The following RBFOX1 variants were observed in gnomAD, a reference collection of about 807,000 sequenced individuals.
The protein encoded by RBFOX1 is RNA binding protein fox-1 homolog 1.
A neutral mutation model predicts 57.7 loss-of-function variants in RBFOX1; 8 were observed. The ratio of observed to expected loss-of-function variants is 0.14; its 90% CI spans 0.08 to 0.25. The LOEUF (loss-of-function observed/expected upper bound fraction) is 0.25. Ranked by LOEUF, RBFOX1 falls within the 10% of genes least tolerant of loss-of-function variation. RBFOX1 has a pLI of 1.00. For missense variants in RBFOX1, 611 were observed against 548.5 expected, an observed-to-expected ratio of 1.11 and a Z score of -1.14; for synonymous variants, 326 against 222.4, an observed-to-expected ratio of 1.47 and a Z score of -4.15.
At chr16:6,491,071 A>C (rs1243130242) in intron 2 of RBFOX1, among the ~76,000 whole-genome samples, 1 of 152,186 alleles carries the variant, frequency 6.6e-6, no homozygotes, top group Non-Finnish European at 1.5e-5. Flanking sequence ...ACTATCTATT[A>C]GTATGCAGTA....
At chr16:5,436,856 G>A (rs1376033335) in intron 1 of RBFOX1, among the ~76,000 whole-genome samples, 1 of 151,972 alleles carries the variant, frequency 6.6e-6, no homozygotes, top group Non-Finnish European at 1.5e-5. Context: ...AAAAAGTTCT[G>A]TCAGATAACT....
intron 13 of RBFOX1, among the ~76,000 whole-genome samples, chr16:7,668,183 TGTTCTTC>T (rs2145884405): frequency 6.6e-6 from 1 of 152,266 alleles, no homozygotes; most frequent in East Asian, 1.9e-4. Flanking sequence ...CCCCGTCCTT[TGTTCTTC>T]AAGGTCTTTC....
At chr16:7,279,951 A>G (rs755102006) in intron 4 of RBFOX1, among the ~76,000 whole-genome samples, 6 of 152,192 alleles carry the variant, frequency 3.9e-5, no homozygotes, top group Non-Finnish European at 8.8e-5. Flanking sequence ...CCTGGTAACA[A>G]TAGGGCAGCC....
intron 1 of RBFOX1, among the ~76,000 whole-genome samples, chr16:6,152,749 C>G (rs570866683): frequency 2.0e-4 from 30 of 152,276 alleles, no homozygotes; most frequent in African/African-American, 4.6e-4. Context: ...TAACTCAAGC[C>G]ATGGTTTCTC....
chr16:7,162,085 G>A (rs991845764), intron 4 of RBFOX1, among the ~76,000 whole-genome samples: 2 of 152,212 alleles, frequency 1.3e-5, no homozygotes, highest in African/African-American at 2.4e-5. Context: ...CTCCTCACAA[G>A]GGAGTTGGTG....
rs980199182 is a variant in RBFOX1, at chr16:5,925,673, A to G, written c.351+58338A>G. On this transcript the variant is annotated intron_variant, in intron 4 of 19. Coordinates refer to the RBFOX1 transcript ENST00000641259. The stretch of plus-strand genomic sequence containing the variant: ...TATGTGTATTTTACCACAAATATAC[A>G]TATTATATATATATTATGTTATACT... 6.7e-5 allele frequency among the ~76,000 whole-genome samples: 10 copies of G among 150,122 alleles called. No homozygotes were observed. In the South Asian group the frequency reaches 2.1e-3, roughly 32 times the overall value.
intron 2 of RBFOX1, among the ~76,000 whole-genome samples, chr16:6,577,653 T>C (rs912215454): frequency 2.6e-5 from 4 of 152,148 alleles, no homozygotes; most frequent in Non-Finnish European, 5.9e-5. Context: ...ACCCACCATG[T>C]CAATAAGTAG....
intron 1 of RBFOX1, among the ~76,000 whole-genome samples, chr16:6,082,006 A>G (rs954555462): frequency 2.0e-4 from 30 of 152,156 alleles, no homozygotes; most frequent in Admixed American, 4.6e-4. Context: ...GTGGAGTCAA[A>G]GCATAGTTTT....
intron 4 of RBFOX1, among the ~76,000 whole-genome samples, chr16:5,954,294 G>A (rs899139878): frequency 1.3e-5 from 2 of 152,148 alleles, no homozygotes. Context: ...GAGATGGACA[G>A]GCCCTCAGGT....
chr16:5,373,730 A>G (rs2065916222), intron 1 of RBFOX1, among the ~76,000 whole-genome samples: 1 of 150,120 alleles, frequency 6.7e-6, no homozygotes, highest in Admixed American at 6.6e-5. Context: ...CAGCCTCCCA[A>G]GCAGCTGGGA....
intron 2 of RBFOX1, among the ~76,000 whole-genome samples, chr16:5,546,340 A>G (rs189056969): frequency 3.0e-4 from 46 of 152,310 alleles, no homozygotes; most frequent in Admixed American, 9.8e-4. Flanking sequence ...ATTTATACAG[A>G]CAATGAAAGA....
At chr16:5,924,251 T>A (rs2058896083) in intron 4 of RBFOX1, among the ~76,000 whole-genome samples, 1 of 152,160 alleles carries the variant, frequency 6.6e-6, no homozygotes, top group African/African-American at 2.4e-5. Flanking sequence ...TTACCCAGTG[T>A]CAGGTATTTC....
chr16:5,403,602 G>C (rs1247820848), intron 1 of RBFOX1, among the ~76,000 whole-genome samples: 1 of 151,970 alleles, frequency 6.6e-6, no homozygotes, highest in Non-Finnish European at 1.5e-5. Flanking sequence ...ATGACACCAT[G>C]CCCAGCTAAT....
chr16:6,183,790 C>T (rs138664858), intron 1 of RBFOX1, among the ~76,000 whole-genome samples: 1 of 151,970 alleles, frequency 6.6e-6, no homozygotes, highest in Non-Finnish European at 1.5e-5. Context: ...AAGAGTGGTA[C>T]CACATGAGGT....
chr16:6,432,447 G>T (rs916999792), intron 2 of RBFOX1, among the ~76,000 whole-genome samples: 4 of 151,742 alleles, frequency 2.6e-5, no homozygotes, highest in African/African-American at 9.7e-5. Context: ...CAAGGCGGGC[G>T]GATCACCTGA....
chr16:7,015,312 T>A (rs1210518943), intron 3 of RBFOX1, among the ~76,000 whole-genome samples: 1 of 152,154 alleles, frequency 6.6e-6, no homozygotes, highest in Non-Finnish European at 1.5e-5. Flanking sequence ...GGATTGTTCT[T>A]CTAGACTATG....
At chr16:6,349,421 C>T (rs1464850506) in intron 2 of RBFOX1, among the ~76,000 whole-genome samples, 11 of 152,138 alleles carry the variant, frequency 7.2e-5, no homozygotes, top group South Asian at 2.1e-4. Flanking sequence ...CATCGAGATA[C>T]GAATATTGTG....
chr16:6,932,978 A>T (rs2076804116), intron 3 of RBFOX1, among the ~76,000 whole-genome samples: 2 of 152,178 alleles, frequency 1.3e-5, no homozygotes, highest in South Asian at 4.1e-4. Context: ...ATCTCATGTA[A>T]GTGGAATCAT....
At chr16:5,634,238 C>T (rs1354895927) in intron 3 of RBFOX1, among the ~76,000 whole-genome samples, 3 of 152,336 alleles carry the variant, frequency 2.0e-5, no homozygotes, top group African/African-American at 7.2e-5. Flanking sequence ...TCAGTACTGG[C>T]AAAGCCTGAA....
Sources: allele counts gnomAD v4.1 joint callset (sites outside exome capture counted in the v4.1 genomes callset), GRCh38; gene constraint gnomAD v4.1.1; transcripts MANE v1.5; gene names NCBI Gene and HGNC (gene_info 2026-07-23, HGNC 2026-07-21).